SNX8: variants seen among roughly 807,000 people sequenced by gnomAD.
SNX8 encodes sorting nexin 8.
In SNX8, 25 loss-of-function variants were observed where a neutral mutation model predicts 51.6. That is an observed-to-expected ratio of 0.48 (90% CI 0.35 to 0.68). The LOEUF is 0.68. SNX8 is among the 30% of genes least tolerant of loss of function. The pLI is 0.00. For synonymous variants in SNX8, 324 were observed against 277.0 expected (o/e 1.17, Z -1.68); for missense variants, 695 against 624.0 (o/e 1.11, Z -1.21).
At chr7:2,310,651 C>T (rs1796641139) in intron 1 of SNX8, among the ~76,000 whole-genome samples, 1 of 152,058 alleles carries the variant, frequency 6.6e-6, no homozygotes, top group Admixed American at 6.6e-5. Context: ...CCTGTAGTCC[C>T]AGCTACTCAG....
chr7:2,257,578 G>A (rs768938851), intron 8 of SNX8, 64 bp from the exon 9 acceptor site: 2 of 1,587,968 alleles, frequency 1.3e-6, no homozygotes, highest in Non-Finnish European at 1.7e-6. Context: ...CTGCGGAGCC[G>A]GCCGAGGGAA....
chr7:2,346,573 C>T (rs550469302), intron 1 of SNX8, among the ~76,000 whole-genome samples: 27 of 151,412 alleles, frequency 1.8e-4, no homozygotes, highest in African/African-American at 5.6e-4. Flanking sequence ...CAGTGAAACC[C>T]CGTCTCTACT....
chr7:2,330,145 T>C (rs1435853516), intron 1 of SNX8, among the ~76,000 whole-genome samples: 3 of 147,178 alleles, frequency 2.0e-5, no homozygotes, highest in East Asian at 2.0e-4. Context: ...TTTCTTTTTT[T>C]TTTTTTTTTT....
intron 1 of SNX8, among the ~76,000 whole-genome samples, chr7:2,310,485 T>G (rs1796638400): frequency 6.6e-6 from 1 of 151,924 alleles, no homozygotes; most frequent in South Asian, 2.1e-4. Context: ...TGGCCAGGCG[T>G]GGCTGGGCGC....
intron 1 of SNX8, among the ~76,000 whole-genome samples, chr7:2,280,347 C>T (rs763714168): frequency 9.9e-5 from 15 of 151,748 alleles, no homozygotes; most frequent in Non-Finnish European, 1.9e-4. Flanking sequence ...TACATGTTAG[C>T]GCACACCTGT....
At chr7:2,342,412 G>A (rs987169187) in intron 1 of SNX8, among the ~76,000 whole-genome samples, 1 of 151,886 alleles carries the variant, frequency 6.6e-6, no homozygotes, top group Non-Finnish European at 1.5e-5. Flanking sequence ...CCAGCACTTT[G>A]GGGGGCTGAG....
At chr7:2,274,900 GT>G in intron 3 of SNX8, 1 of 551,074 alleles carries the variant, frequency 1.8e-6, no homozygotes, top group Non-Finnish European at 3.2e-6. Flanking sequence ...GAAGGCTCTG[GT>G]GGGCCAAGGC....
At chr7:2,268,414 T>C (rs1430506103) in intron 5 of SNX8, among the ~76,000 whole-genome samples, 1 of 123,944 alleles carries the variant, frequency 8.1e-6, no homozygotes, top group Non-Finnish European at 1.7e-5. Flanking sequence ...GTGAGGAGCG[T>C]CTCCGCCCGG....
intron 8 of SNX8, 81 bp from the exon 9 acceptor site, chr7:2,257,595 C>G: frequency 6.3e-7 from 1 of 1,582,538 alleles, no homozygotes; most frequent in Non-Finnish European, 8.6e-7. Context: ...GGAAGCACCC[C>G]CGCCAGACGG....
chr7:2,307,741 G>C (rs1320214490), intron 1 of SNX8: 2 of 150,668 alleles, frequency 1.3e-5, no homozygotes, highest in Non-Finnish European at 2.9e-5. Context: ...CAGCCTCCAA[G>C]CTTCTAATCA....
At chr7:2,326,563 G>A (rs1778625316) in intron 1 of SNX8, among the ~76,000 whole-genome samples, 1 of 151,984 alleles carries the variant, frequency 6.6e-6, no homozygotes, top group Admixed American at 6.6e-5. Flanking sequence ...CTACTCGGGA[G>A]GCTGAGGCAG....
At chr7:2,339,306 G>C (rs1176625192) in intron 1 of SNX8, among the ~76,000 whole-genome samples, 1 of 151,852 alleles carries the variant, frequency 6.6e-6, no homozygotes, top group Non-Finnish European at 1.5e-5. Flanking sequence ...CCTGGGTTCA[G>C]GCAATTCTCC....
chr7:2,346,176 C>G (rs1779020671), intron 1 of SNX8, among the ~76,000 whole-genome samples: 1 of 152,098 alleles, frequency 6.6e-6, no homozygotes, highest in Non-Finnish European at 1.5e-5. Context: ...ACATTACTTA[C>G]AGGTACATGA....
chr7:2,256,792 C>T, intron 10 of SNX8, 82 bp downstream of exon 10: 2 of 1,463,148 alleles, frequency 1.4e-6, no homozygotes, highest in African/African-American at 2.8e-5. Flanking sequence ...CGGCCGGCCA[C>T]CGCGCTGCCG....
chr7:2,353,158 A>C (rs1301813999), intron 1 of SNX8, among the ~76,000 whole-genome samples: 1 of 152,156 alleles, frequency 6.6e-6, no homozygotes, highest in Non-Finnish European at 1.5e-5. Flanking sequence ...GCACGGTGGC[A>C]CATACCTTCA....
At chr7:2,342,354 T>C (rs1428732605) in intron 1 of SNX8, among the ~76,000 whole-genome samples, 3 of 150,946 alleles carry the variant, frequency 2.0e-5, no homozygotes. Flanking sequence ...AAGGGTTTTA[T>C]TAAGGATAGA....
At chr7:2,350,245 G>A (rs909432642) in intron 1 of SNX8, among the ~76,000 whole-genome samples, 1 of 152,152 alleles carries the variant, frequency 6.6e-6, no homozygotes, top group Non-Finnish European at 1.5e-5. Context: ...GAAAACTGAG[G>A]CCTAGAGACG....
intron 1 of SNX8, among the ~76,000 whole-genome samples, chr7:2,325,366 C>G (rs1386455225): frequency 6.6e-6 from 1 of 152,076 alleles, no homozygotes; most frequent in African/African-American, 2.4e-5. Context: ...TTGGTTGTTA[C>G]TAGAAATAGG....
chr7:2,264,910 C>A lies in SNX8; in HGVS notation c.622-452G>T, dbSNP rs553510370. 9.2e-5 allele frequency among the ~76,000 whole-genome samples: 14 copies of A among 152,234 alleles called. No homozygotes were observed. The South Asian group carries it at 2.1e-3, about 23-fold the overall frequency. ...ATTAGCTGGGCATGGCGGCATGCACCTGTAATCCCAGCTACTCCAGAGGCT... is the reference window on the plus strand; with the variant it reads ...ATTAGCTGGGCATGGCGGCATGCACATGTAATCCCAGCTACTCCAGAGGCT... On this transcript the variant is annotated intron_variant, in intron 5 of 10. Transcript: ENST00000222990.
Sources: gnomAD v4.1 joint callset for allele counts (sites outside exome capture counted in the v4.1 genomes callset) on GRCh38, gnomAD v4.1.1 for gene constraint, MANE v1.5 for transcripts, NCBI Gene and HGNC (gene_info 2026-07-23, HGNC 2026-07-21) for gene names.